The following L3MBTL3 variants were observed in gnomAD, a reference collection of about 807,000 sequenced individuals.
L3MBTL3 encodes the protein lethal(3)malignant brain tumor-like protein 3.
In L3MBTL3, 27 loss-of-function variants were observed where a neutral mutation model predicts 102.3. The ratio of observed to expected loss-of-function variants is 0.26; its 90% confidence interval spans 0.19 to 0.36. L3MBTL3 has a LOEUF of 0.36. Ranked by LOEUF, L3MBTL3 falls within the 10% of genes least tolerant of loss-of-function variation. The pLI, the probability that L3MBTL3 is intolerant of heterozygous loss-of-function variation, is 1.00. For synonymous variants in L3MBTL3, 340 were observed against 320.9 expected (o/e 1.06, Z -0.64); for missense variants, 798 against 955.3 (o/e 0.84, Z 2.17).
Position 130,051,397 on chromosome 6 carries a change from C to T in L3MBTL3, c.438C>T (p.His146=). The T allele has an allele frequency of 6.2e-7, 1 of 1,612,920 alleles. No individual in the cohort carries two copies. The highest frequency in any genetic ancestry group is 8.5e-7 in the Non-Finnish European group (1 of 1,179,296). Reference sequence around the variant, plus strand: ...ATTGCAGCCAGAATTGTGCTCGGCACATCAAAGATAAGTAGGTTTTTGCCC... The same window carrying T: ...ATTGCAGCCAGAATTGTGCTCGGCATATCAAAGATAAGTAGGTTTTTGCCC... ...GNYCSQNCAR[H]IKDKDQKEER... is the part of the protein sequence containing the mutation. The change falls in exon 6 of 23, where the codon CAC becomes CAT. Residue 146 remains histidine, a synonymous_variant. Coordinates refer to ENST00000361794, the MANE Select transcript of L3MBTL3 (RefSeq NM_032438.4).
chr6:130,056,312 T>C (rs1411252963), intron 8 of L3MBTL3, among the ~76,000 whole-genome samples: 4 of 152,182 alleles, frequency 2.6e-5, no homozygotes, highest in Non-Finnish European at 5.9e-5. Flanking sequence ...CTTTAGTATT[T>C]GTCTTGATGT....
intron 16 of L3MBTL3, among the ~76,000 whole-genome samples, 159 bp from the exon 17 acceptor site, chr6:130,092,586 T>TC (rs1353663358): frequency 1.3e-5 from 2 of 152,206 alleles, no homozygotes; most frequent in Non-Finnish European, 2.9e-5. Context: ...GTCTTTTTTT[T>TC]CACATTATGA....
chr6:130,071,207 G>T, intron 13 of L3MBTL3, 80 bp downstream of exon 13: 2 of 1,243,784 alleles, frequency 1.6e-6, no homozygotes, highest in South Asian at 1.6e-5. Context: ...ATAGTGCAAC[G>T]CTTATAACAA....
At chr6:130,104,773 C>A in intron 19 of L3MBTL3, among the ~76,000 whole-genome samples, 198 bp downstream of exon 19, 1 of 150,000 alleles carries the variant, frequency 6.7e-6, no homozygotes. Context: ...AAAGCATGTC[C>A]AAATCAGGCA....
chr6:130,101,261 G>A (rs997976417), intron 18 of L3MBTL3, among the ~76,000 whole-genome samples: 1 of 152,164 alleles, frequency 6.6e-6, no homozygotes, highest in African/African-American at 2.4e-5. Flanking sequence ...TCTTTTGGGA[G>A]AGTGAATTTT....
intron 10 of L3MBTL3, among the ~76,000 whole-genome samples, chr6:130,061,033 G>GGCATACTAT (rs1680612542): frequency 6.6e-6 from 1 of 151,554 alleles, no homozygotes; most frequent in African/African-American, 2.4e-5. Flanking sequence ...GGTTACATAG[G>GGCATACTAT]GCATACTATG....
At chr6:130,094,391 T>A in intron 18 of L3MBTL3, 24 bp downstream of exon 18, 1 of 1,533,352 alleles carries the variant, frequency 6.5e-7, no homozygotes, top group African/African-American at 1.4e-5. Flanking sequence ...GTCACTCACT[T>A]GGTCAGATAT....
Position 130,104,506 on chromosome 6 carries a change from C to A in L3MBTL3, c.1817C>A (p.Pro606Gln). The change falls in exon 19 of 23, where the codon CCG becomes CAG. Residue 606 changes from proline (P) to glutamine (Q), a missense_variant. Physicochemically the swap from Pro to Gln is moderately conservative, Grantham distance 76. Transcript: ENST00000361794. ...GACCGCTTAAGTGGTGAGATGCCTC[C>A]GGCTAGTCCGTCATTTCCAAGAAAT... Reference protein sequence around the residue: ...FPDRLSGEMPPASPSFPRNKR... With the variant: ...FPDRLSGEMPQASPSFPRNKR... The A allele has an allele frequency of 6.3e-7, 1 of 1,595,456 alleles. No individual in the cohort carries two copies. Among genetic ancestry groups the A allele is most frequent in the Non-Finnish European group, 8.5e-7 (1 of 1,171,926 alleles).
chr6:130,110,289 C>T (rs1347603692), intron 19 of L3MBTL3, among the ~76,000 whole-genome samples: 2 of 152,132 alleles, frequency 1.3e-5, no homozygotes, highest in African/African-American at 4.8e-5. Flanking sequence ...TTACTTTGGG[C>T]AGTATGGCCA....
intron 19 of L3MBTL3, among the ~76,000 whole-genome samples, chr6:130,110,576 A>T (rs1005599654): frequency 6.6e-6 from 1 of 152,198 alleles, no homozygotes; most frequent in Non-Finnish European, 1.5e-5. Flanking sequence ...GTTGCTTATC[A>T]GCTTAAGGAG....
At chr6:130,124,423 TG>T (rs1461510409) in intron 20 of L3MBTL3, among the ~76,000 whole-genome samples, 1 of 152,176 alleles carries the variant, frequency 6.6e-6, no homozygotes. Flanking sequence ...TCCCTTTATG[TG>T]AGATTAGGCC....
Position 130,092,171 on chromosome 6 carries a change from G to A in L3MBTL3, c.1519-574G>A, listed in dbSNP as rs533928211. ...TAAAACAATAATAGAACACATATTT[G>A]AGAAATACTGTAGTTATTTGCAAGG... On this transcript the variant is annotated intron_variant, in intron 16 of 22. Transcript: ENST00000361794. Among the ~76,000 whole-genome samples, 6 of 152,140 alleles carry A rather than the reference G, an allele frequency of 3.9e-5. No homozygotes were observed. In the East Asian group the frequency reaches 1.2e-3, roughly 29 times the overall value.
At chr6:130,026,063 G>A (rs530792847) in intron 2 of L3MBTL3, among the ~76,000 whole-genome samples, 1 of 152,240 alleles carries the variant, frequency 6.6e-6, no homozygotes, top group Admixed American at 6.5e-5. Context: ...GGTGGTAAAT[G>A]TGTTCCTGTG....
At position 130,057,659 on chromosome 6, in the gene L3MBTL3, C is replaced by T. The variant is rs560513771; in HGVS notation, c.759+162C>T. 3.9e-5 allele frequency among the ~76,000 whole-genome samples: 6 copies of T among 152,270 alleles called. No homozygotes were observed. In the South Asian group the frequency reaches 1.0e-3, roughly 26 times the overall value. On this transcript the variant is annotated intron_variant, in intron 9 of 22. Transcript: ENST00000361794. ...GGAGGGCAGTGAACACTGACTTGTG[C>T]GTACCTCCCATGTGCCACACATGTG...
At chr6:130,057,237 T>C (rs1781566559) in intron 8 of L3MBTL3, among the ~76,000 whole-genome samples, 169 bp from the exon 9 acceptor site, 1 of 152,208 alleles carries the variant, frequency 6.6e-6, no homozygotes, top group African/African-American at 2.4e-5. Flanking sequence ...CAGTTCACTT[T>C]TTATCTTGGT....
intron 14 of L3MBTL3, among the ~76,000 whole-genome samples, chr6:130,081,483 A>G (rs954096440): frequency 1.3e-5 from 2 of 151,826 alleles, no homozygotes; most frequent in African/African-American, 4.8e-5. Context: ...CAGTGGTACA[A>G]TCTTGGCTCA....
chr6:130,118,671 A>G (rs540516529), intron 19 of L3MBTL3, among the ~76,000 whole-genome samples: 2 of 152,330 alleles, frequency 1.3e-5, no homozygotes, highest in Non-Finnish European at 2.9e-5. Context: ...AAAAATACAT[A>G]TCTGTGTTTA....
At chr6:130,108,436 A>G (rs1785138363) in intron 19 of L3MBTL3, among the ~76,000 whole-genome samples, 1 of 151,546 alleles carries the variant, frequency 6.6e-6, no homozygotes, top group South Asian at 2.1e-4. Flanking sequence ...GAGTTTTACC[A>G]TGTTAGCCAG....
At position 130,049,772 on chromosome 6, in the gene L3MBTL3, G is replaced by T; in HGVS notation, c.231G>T (p.Pro77=). 1 of 1,613,820 alleles carries T rather than the reference G, an allele frequency of 6.2e-7. No homozygotes were observed. Among genetic ancestry groups the T allele is most frequent in the African/African-American group, 1.3e-5 (1 of 74,962 alleles). ...CATCTCCAGCCCCGACCTCTCCCCC[G>T]AGCTCCAGGCCCGTATTTCCACCTG... ...PTAQEAPTSP[P]SSRPVFPPAY... The change falls in exon 5 of 23, where the codon CCG becomes CCT. Residue 77 remains proline (P), a synonymous_variant. Coordinates refer to ENST00000361794, the MANE Select transcript of L3MBTL3 (RefSeq NM_032438.4).
Sources: gnomAD v4.1 joint callset for allele counts (sites outside exome capture counted in the v4.1 genomes callset) on GRCh38, gnomAD v4.1.1 for gene constraint, MANE v1.5 for transcripts, NCBI Gene and HGNC (gene_info 2026-07-23, HGNC 2026-07-21) for gene names.